ANGPT1: variants seen among roughly 807,000 people sequenced by gnomAD.
ANGPT1 encodes angiopoietin 1.
A neutral mutation model predicts 62.2 loss-of-function variants in ANGPT1; 17 were observed. The ratio of observed to expected loss-of-function variants is 0.27; its 90% CI spans 0.19 to 0.41. ANGPT1 has a LOEUF of 0.41. ANGPT1 is among the 10% of genes least tolerant of loss of function. The pLI, the probability that ANGPT1 is intolerant of heterozygous loss-of-function variation, is 1.00. For missense variants in ANGPT1, 478 were observed against 594.9 expected (o/e 0.80, Z 2.04); for synonymous variants, 199 against 198.9 (o/e 1.00, Z 0.00).
chr8:107,372,836 C>T (rs143380515), intron 1 of ANGPT1, among the ~76,000 whole-genome samples: 1 of 151,312 alleles, frequency 6.6e-6, no homozygotes, highest in East Asian at 2.0e-4. Context: ...TACCTAAAGC[C>T]ACCAAGCAGA....
intron 1 of ANGPT1, among the ~76,000 whole-genome samples, chr8:107,476,193 C>T (rs1812521254): frequency 6.6e-6 from 1 of 152,100 alleles, no homozygotes; most frequent in Non-Finnish European, 1.5e-5. Context: ...CCCAAATGCC[C>T]ATCAATGATA....
intron 6 of ANGPT1, among the ~76,000 whole-genome samples, chr8:107,288,068 A>C (rs1814185833): frequency 6.6e-6 from 1 of 152,186 alleles, no homozygotes; most frequent in Non-Finnish European, 1.5e-5. Flanking sequence ...GAAAAAGAAT[A>C]ATCTTGGGTC....
intron 3 of ANGPT1, among the ~76,000 whole-genome samples, chr8:107,333,291 C>A (rs1349431253): frequency 6.6e-6 from 1 of 151,780 alleles, no homozygotes; most frequent in Non-Finnish European, 1.5e-5. Context: ...TACAGCAATA[C>A]CAGGAGGCAT....
rs1295516426 is a variant in ANGPT1, at chr8:107,321,975, G to A, written c.729C>T (p.Asn243=). 6.2e-7 allele frequency: 1 copy of A among 1,614,008 alleles called. No homozygotes were observed. Among genetic ancestry groups the A allele is most frequent in the Non-Finnish European group, 8.5e-7 (1 of 1,179,906 alleles). Residue 243 remains asparagine (N), a synonymous_variant, in exon 4 of 9, where the codon AAC becomes AAT. Transcript: ENST00000517746. ...LEKQLNRATT[N]NSVLQKQQLE... ...GTTGCTGCTTCTGAAGGACACTGTT[G>A]TTGGTGGTAGCTCTGTTTAATTGCT...
chr8:107,449,432 A>G (rs1458080202), intron 1 of ANGPT1, among the ~76,000 whole-genome samples: 1 of 151,242 alleles, frequency 6.6e-6, no homozygotes, highest in Non-Finnish European at 1.5e-5. Flanking sequence ...ACACACAGAA[A>G]ACTTCTGATA....
intron 8 of ANGPT1, 121 bp from the exon 9 acceptor site, chr8:107,252,136 G>T: frequency 2.0e-6 from 2 of 994,642 alleles, no homozygotes; most frequent in South Asian, 3.3e-5. Flanking sequence ...ATGCTTATTT[G>T]CAATTACGAG....
chr8:107,495,166 C>T (rs1813060029), intron 1 of ANGPT1, among the ~76,000 whole-genome samples: 1 of 152,088 alleles, frequency 6.6e-6, no homozygotes, highest in African/African-American at 2.4e-5. Context: ...TTTTTGGTTT[C>T]TTGATCCTCC....
intron 6 of ANGPT1, among the ~76,000 whole-genome samples, chr8:107,287,689 T>C (rs1418129112): frequency 2.6e-5 from 4 of 152,172 alleles, no homozygotes; most frequent in Non-Finnish European, 5.9e-5. Context: ...AGATCTGATA[T>C]GTAGGACAAA....
chr8:107,306,554 A>T (rs925289050), intron 4 of ANGPT1, among the ~76,000 whole-genome samples: 4 of 152,122 alleles, frequency 2.6e-5, no homozygotes, highest in Admixed American at 2.0e-4. Flanking sequence ...TCTGAAGTCC[A>T]ATGTCATGCA....
intron 1 of ANGPT1, among the ~76,000 whole-genome samples, chr8:107,433,577 C>T (rs1586318739): frequency 6.6e-6 from 1 of 152,270 alleles, no homozygotes; most frequent in Admixed American, 6.5e-5. Context: ...TAGAAAATTA[C>T]TGGATTGAAA....
At chr8:107,403,305 T>G (rs965519054) in intron 1 of ANGPT1, among the ~76,000 whole-genome samples, 1 of 152,122 alleles carries the variant, frequency 6.6e-6, no homozygotes, top group African/African-American at 2.4e-5. Flanking sequence ...CCTGGAACTT[T>G]GTTATTTGCG....
chr8:107,388,844 T>C (rs1446274008), intron 1 of ANGPT1, among the ~76,000 whole-genome samples: 3 of 152,188 alleles, frequency 2.0e-5, no homozygotes, highest in Non-Finnish European at 4.4e-5. Flanking sequence ...ACACTAGAAG[T>C]TACTCCTTTA....
At chr8:107,431,756 G>A (rs764707189) in intron 1 of ANGPT1, among the ~76,000 whole-genome samples, 18 of 150,740 alleles carry the variant, frequency 1.2e-4, no homozygotes, top group Non-Finnish European at 2.4e-4. Flanking sequence ...TATCATCAAA[G>A]TATCATGCTA....
rs140945926 is a variant in ANGPT1, at chr8:107,269,313, TA to T, written c.1206-4963del. Among the ~76,000 whole-genome samples the T allele has an allele frequency of 3.3e-3, 480 of 145,440 alleles. 1 individual carries two copies. The highest frequency in any genetic ancestry group is 0.011 in the African/African-American group (434 of 39,932). On this transcript the variant is annotated intron_variant, in intron 7 of 8. Coordinates refer to ENST00000517746, the MANE Select transcript of ANGPT1 (RefSeq NM_001146.5). Reference sequence around the variant, plus strand: ...TGCCAAGTATTTCTGTAATTAGATTTAAAAAAAAAAAACTTCTTTGAGTTGA... The same window carrying T: ...TGCCAAGTATTTCTGTAATTAGATTTAAAAAAAAAAACTTCTTTGAGTTGA...
intron 1 of ANGPT1, among the ~76,000 whole-genome samples, chr8:107,465,041 T>A (rs1389103093): frequency 1.3e-5 from 2 of 152,140 alleles, no homozygotes; most frequent in Non-Finnish European, 1.5e-5. Context: ...TTTCAGTGTG[T>A]CAGAGTAAGA....
intron 6 of ANGPT1, among the ~76,000 whole-genome samples, chr8:107,288,991 G>T (rs112460281): frequency 5.3e-5 from 8 of 152,046 alleles, no homozygotes; most frequent in Admixed American, 4.6e-4. Flanking sequence ...AAGCAGCAAC[G>T]AATGAGTAAA....
At chr8:107,407,736 C>A (rs1817178757) in intron 1 of ANGPT1, among the ~76,000 whole-genome samples, 1 of 152,146 alleles carries the variant, frequency 6.6e-6, no homozygotes, top group African/African-American at 2.4e-5. Context: ...CCTCCTACTC[C>A]CTGCCTTTTG....
chr8:107,434,779 A>G (rs2130415554), intron 1 of ANGPT1, among the ~76,000 whole-genome samples: 1 of 152,274 alleles, frequency 6.6e-6, no homozygotes, highest in Admixed American at 6.5e-5. Flanking sequence ...TATACCCAAT[A>G]AGTTTAGAAA....
intron 1 of ANGPT1, among the ~76,000 whole-genome samples, chr8:107,409,532 G>C (rs897187792): frequency 6.6e-6 from 1 of 151,992 alleles, no homozygotes; most frequent in Non-Finnish European, 1.5e-5. Flanking sequence ...CAGCAGTCTG[G>C]GCTCTCAGTT....
Sources: gnomAD v4.1 joint callset for allele counts (sites outside exome capture counted in the v4.1 genomes callset) on GRCh38, gnomAD v4.1.1 for gene constraint, MANE v1.5 for transcripts, NCBI Gene and HGNC (gene_info 2026-07-23, HGNC 2026-07-21) for gene names.